The following KDM2B variants were observed in gnomAD, a reference collection of about 807,000 sequenced individuals.
The protein encoded by KDM2B is lysine-specific demethylase 2B.
Under a neutral mutation model 150.0 loss-of-function variants are expected in KDM2B, and 26 were observed. The ratio of observed to expected loss-of-function variants is 0.17; its 90% CI spans 0.13 to 0.24. KDM2B has a LOEUF of 0.24. Among genes scored for constraint, KDM2B ranks in the 10% least tolerant of loss-of-function variants. The pLI is 1.00. For missense variants in KDM2B, 1,265 were observed against 1,816.9 expected (o/e 0.70, Z 5.52); for synonymous variants, 734 against 729.5 (o/e 1.01, Z -0.10).
intron 11 of KDM2B, 87 bp downstream of exon 11, chr12:121,509,480 A>G (rs1238241068): frequency 4.5e-6 from 7 of 1,544,552 alleles, no homozygotes; most frequent in Non-Finnish European, 6.1e-6. Flanking sequence ...GCACAGAGCC[A>G]TCGTGAGCTG....
chr12:121,546,023 T>A (rs2141926654), intron 6 of KDM2B, among the ~76,000 whole-genome samples: 1 of 152,230 alleles, frequency 6.6e-6, no homozygotes, highest in Non-Finnish European at 1.5e-5. Flanking sequence ...ACTGGGCGAA[T>A]CTCCTCCCCT....
At chr12:121,507,397 A>T (rs1885183310) in intron 11 of KDM2B, among the ~76,000 whole-genome samples, 1 of 152,206 alleles carries the variant, frequency 6.6e-6, no homozygotes, top group South Asian at 2.1e-4. Context: ...GGTTGTTGGA[A>T]GGTTTCAATG....
intron 12 of KDM2B, among the ~76,000 whole-genome samples, chr12:121,454,248 A>G (rs937971721): frequency 8.5e-5 from 13 of 152,198 alleles, no homozygotes; most frequent in Non-Finnish European, 1.9e-4. Flanking sequence ...CCTCTCTACG[A>G]GCCAGCCTGG....
intron 8 of KDM2B, among the ~76,000 whole-genome samples, chr12:121,525,773 G>A (rs150458860): frequency 9.8e-5 from 15 of 152,292 alleles, no homozygotes; most frequent in African/African-American, 3.1e-4. Context: ...CAGACTTGCT[G>A]GAGTGTAAGA....
intron 4 of KDM2B, among the ~76,000 whole-genome samples, chr12:121,559,353 AG>A (rs140230190): frequency 0.018 from 2,489 of 136,676 alleles, 72 homozygotes; most frequent in African/African-American, 0.064. Flanking sequence ...GAGGGGTGGG[AG>A]GGGAAGTGGT....
Position 121,518,623 on chromosome 12 carries a change from G to A in KDM2B, c.1047+2362C>T, listed in dbSNP as rs1262669264. 4.6e-5 allele frequency among the ~76,000 whole-genome samples: 7 copies of A among 152,186 alleles called. No individual in the cohort carries two copies. Among genetic ancestry groups the A allele is most frequent in the African/African-American group, 1.7e-4 (7 of 41,446 alleles). ...ACCCTGCCAGTCGTCATGGGTGGGG[G>A]AAGGGACCTGGGCTCCTAAGGGAAC... On this transcript the variant is annotated intron_variant, in intron 9 of 22. Coordinates refer to ENST00000377071, the MANE Select transcript of KDM2B (RefSeq NM_032590.5). This position sits in a 1 kb window ranked among gnomAD's most constrained non-coding sequence, Gnocchi z 4.4.
At chr12:121,436,477 C>T (rs547904705) in intron 22 of KDM2B, among the ~76,000 whole-genome samples, 1 of 149,706 alleles carries the variant, frequency 6.7e-6, no homozygotes, top group East Asian at 1.9e-4. Context: ...GCCGAGATCG[C>T]GCAATTGCAC....
At chr12:121,441,814 A>T (rs1237972508) in intron 19 of KDM2B, among the ~76,000 whole-genome samples, 1 of 152,190 alleles carries the variant, frequency 6.6e-6, no homozygotes, top group Non-Finnish European at 1.5e-5. Context: ...ATGCCCGTTC[A>T]TCCAAGAGGG....
intron 12 of KDM2B, among the ~76,000 whole-genome samples, chr12:121,475,759 T>TG (rs1296346030): frequency 4.0e-5 from 6 of 151,116 alleles, no homozygotes; most frequent in African/African-American, 1.5e-4. Context: ...AAGAAAATCT[T>TG]GGAGATGAGG....
Position 121,467,332 on chromosome 12 carries a change from G to A in KDM2B, c.1735-13988C>T, listed in dbSNP as rs879948894. On this transcript the variant is annotated intron_variant, in intron 12 of 22. Coordinates refer to ENST00000377071, the MANE Select transcript of KDM2B (RefSeq NM_032590.5). The surrounding 1 kb of genome is among the most constrained non-coding windows in gnomAD (Gnocchi z 5.1). ...GGCTCGGGCTCGGGCTCGGGCTCCC[G>A]CTGCCGCGAGGAGGGAGCCGCGCCG... 120 of 982,212 alleles carry A rather than the reference G, an allele frequency of 1.2e-4. 1 individual carries two copies. The South Asian group carries it at 4.6e-3, about 37-fold the overall frequency. 60.8% of individuals were successfully genotyped at this position (982,212 alleles called of 1,614,324 possible). A position where few individuals can be genotyped will look rare whatever the true frequency, so the allele number is the denominator to read the frequency against.
At chr12:121,531,245 G>A (rs1354191265) in intron 8 of KDM2B, among the ~76,000 whole-genome samples, 6 of 152,146 alleles carry the variant, frequency 3.9e-5, no homozygotes, top group African/African-American at 1.2e-4. Flanking sequence ...TGGGGCCATG[G>A]TAACAAAGTC....
Position 121,442,950 on chromosome 12 carries a change from A to T in KDM2B, c.2604+42T>A. On this transcript the variant is annotated intron_variant, in intron 18 of 22. Coordinates refer to ENST00000377071, the MANE Select transcript of KDM2B (RefSeq NM_032590.5). The surrounding 1 kb of genome is among the most constrained non-coding windows in gnomAD (Gnocchi z 7.7). ...CCCAGGGAGCTGCGGTGCAGCTCTA[A>T]CCGCTCAGGCCTGGGGCACAGGAGG... The T allele has an allele frequency of 6.2e-7, 1 of 1,610,090 alleles. No individual in the cohort carries two copies. Among genetic ancestry groups the T allele is most frequent in the Non-Finnish European group, 8.5e-7 (1 of 1,177,878 alleles).
chr12:121,443,746 C>CGGCGAGA lies in KDM2B; in HGVS notation c.2492_2498dup (p.Arg834LeufsTer32), dbSNP rs781931374. ...TGAGGCTGCTGCCTAGAGGGGGCCT[C>CGGCGAGA]GGCGAGAGGTGAGAGGAGGAACCGG... On this transcript the variant is annotated frameshift_variant, in exon 17 of 23. Coordinates refer to ENST00000377071, the MANE Select transcript of KDM2B (RefSeq NM_032590.5). LOFTEE classifies it high-confidence loss of function. 1.2e-6 allele frequency: 2 copies of CGGCGAGA among 1,610,710 alleles called. No individual in the cohort carries two copies. Among genetic ancestry groups the CGGCGAGA allele is most frequent in the Non-Finnish European group, 1.7e-6 (2 of 1,179,420 alleles).
At chr12:121,539,390 G>A (rs1339815328) in intron 6 of KDM2B, among the ~76,000 whole-genome samples, 6 of 149,988 alleles carry the variant, frequency 4.0e-5, no homozygotes, top group African/African-American at 1.5e-4. Context: ...TGAGCTAGGA[G>A]AGGAGACAGT....
chr12:121,440,337 G>T (rs1874768156), intron 21 of KDM2B: 1 of 518,412 alleles, frequency 1.9e-6, no homozygotes, highest in South Asian at 2.1e-5. Context: ...CAGCCAACCA[G>T]TGCAGAGGCT....
rs1291257652 is a variant in KDM2B, at chr12:121,467,276, G to A, written c.1735-13932C>T. 40 of 987,496 alleles carry A rather than the reference G, an allele frequency of 4.1e-5. No homozygotes were observed. Among genetic ancestry groups the A allele is most frequent in the East Asian group, 1.1e-4 (1 of 8,798 alleles). 61.2% of individuals were successfully genotyped at this position (987,496 alleles called of 1,614,324 possible). A position where few individuals can be genotyped will look rare whatever the true frequency, so the allele number is the denominator to read the frequency against. On this transcript the variant is annotated intron_variant, in intron 12 of 22. Coordinates refer to ENST00000377071, the MANE Select transcript of KDM2B (RefSeq NM_032590.5). The surrounding 1 kb of genome is among the most constrained non-coding windows in gnomAD (Gnocchi z 5.1). ...TGGAGCGGCGCCGCCGCCGCCGCCC[G>A]CCCGGAGCAGGCTCGGCTCGCCCTG...
intron 8 of KDM2B, among the ~76,000 whole-genome samples, chr12:121,528,215 GCT>G (rs1297767099): frequency 5.9e-5 from 9 of 152,262 alleles, no homozygotes; most frequent in Non-Finnish European, 8.8e-5. Context: ...CTTCCAGGCA[GCT>G]CTCCTAGGTT....
At chr12:121,535,172 A>G (rs1280497714) in intron 6 of KDM2B, among the ~76,000 whole-genome samples, 1 of 150,902 alleles carries the variant, frequency 6.6e-6, no homozygotes, top group African/African-American at 2.4e-5. Flanking sequence ...ACTGTGCGAC[A>G]CTCCTAAAGA....
intron 11 of KDM2B, among the ~76,000 whole-genome samples, chr12:121,506,300 A>G (rs879972033): frequency 1.9e-4 from 29 of 152,214 alleles, no homozygotes; most frequent in Admixed American, 1.6e-3. Flanking sequence ...GCAGGCCTCA[A>G]AATCTTTTCT....
Sources: allele counts gnomAD v4.1 joint callset (sites outside exome capture counted in the v4.1 genomes callset), GRCh38; gene constraint gnomAD v4.1.1; non-coding constraint Gnocchi (gnomAD v3.1); transcripts MANE v1.5; gene names NCBI Gene and HGNC (gene_info 2026-07-23, HGNC 2026-07-21).